Variants in DCC observed in about 807,000 individuals in gnomAD.
DCC encodes the protein DCC netrin 1 receptor, also known as netrin receptor DCC.
In DCC, 58 loss-of-function variants were observed where a neutral mutation model predicts 172.5. The ratio of observed to expected loss-of-function variants is 0.34; its 90% CI spans 0.27 to 0.42. The LOEUF (loss-of-function observed/expected upper bound fraction) is 0.42, where lower values mean the gene tolerates loss of function less well. DCC is among the 10% of genes least tolerant of loss of function. The pLI, the probability that DCC is intolerant of heterozygous loss-of-function variation, is 1.00. For synonymous variants in DCC, 709 were observed against 644.5 expected (o/e 1.10, Z -1.52); for missense variants, 1,740 against 1,791.0 (o/e 0.97, Z 0.51).
At chr18:53,011,439 A>G (rs1160579542) in intron 5 of DCC, among the ~76,000 whole-genome samples, 1 of 151,696 alleles carries the variant, frequency 6.6e-6, no homozygotes, top group East Asian at 1.9e-4. Flanking sequence ...TCAAAGGGAT[A>G]TTTTTACTGA....
Position 52,834,545 on chromosome 18 carries a change from C to T in DCC, c.413-71499C>T, listed in dbSNP as rs190363436. 1.8e-4 allele frequency among the ~76,000 whole-genome samples: 28 copies of T among 152,182 alleles called. 1 individual carries two copies. Among genetic ancestry groups the T allele is most frequent in the Middle Eastern group, 6.8e-3 (2 of 294 alleles). ...GTGCCTAAGGATTGCATGGTGAGCTCGTCTGGGGTGTTACTGAACATCTTA... is the reference window on the plus strand; with the variant it reads ...GTGCCTAAGGATTGCATGGTGAGCTTGTCTGGGGTGTTACTGAACATCTTA... On this transcript the variant is annotated intron_variant, in intron 2 of 28. Coordinates refer to ENST00000442544, the MANE Select transcript of DCC (RefSeq NM_005215.4).
chr18:53,284,428 T>C (rs112212655), intron 12 of DCC, among the ~76,000 whole-genome samples: 3,304 of 152,122 alleles, frequency 0.022, 52 homozygotes, highest in Non-Finnish European at 0.034. Flanking sequence ...TCTCATGAGA[T>C]CTTATGGTTT....
At chr18:53,475,439 G>A (rs149192273) in intron 25 of DCC, among the ~76,000 whole-genome samples, 196 of 152,286 alleles carry the variant, frequency 1.3e-3, no homozygotes, top group Admixed American at 4.9e-3. Flanking sequence ...TGTGAGCTGC[G>A]TGCAGCCTAT....
At chr18:52,406,825 G>A (rs1986670687) in intron 1 of DCC, among the ~76,000 whole-genome samples, 2 of 151,996 alleles carry the variant, frequency 1.3e-5, no homozygotes, top group South Asian at 4.2e-4. Context: ...ATCTATGTAG[G>A]TAGATTCAGT....
chr18:53,366,216 C>G (rs2058003219), intron 15 of DCC, among the ~76,000 whole-genome samples: 1 of 151,966 alleles, frequency 6.6e-6, no homozygotes, highest in Non-Finnish European at 1.5e-5. Flanking sequence ...GCCACCATGA[C>G]CAGCTAATTT....
At chr18:53,231,431 A>G (rs1196866391) in intron 12 of DCC, among the ~76,000 whole-genome samples, 2 of 152,134 alleles carry the variant, frequency 1.3e-5, no homozygotes. Context: ...CAACATCTGT[A>G]TGTGTAAAAT....
intron 5 of DCC, among the ~76,000 whole-genome samples, chr18:52,956,483 T>G (rs140357907): frequency 6.6e-6 from 1 of 152,232 alleles, no homozygotes; most frequent in East Asian, 1.9e-4. Flanking sequence ...ACTATAACCT[T>G]ATTTAGTTAT....
chr18:52,945,677 G>C (rs191583432), intron 5 of DCC, among the ~76,000 whole-genome samples: 1 of 152,268 alleles, frequency 6.6e-6, no homozygotes, highest in East Asian at 1.9e-4. Context: ...TGAGCTGAAG[G>C]CTGGATGTCA....
chr18:52,868,305 A>G (rs1720398427), intron 2 of DCC, among the ~76,000 whole-genome samples: 1 of 152,104 alleles, frequency 6.6e-6, no homozygotes, highest in Non-Finnish European at 1.5e-5. Context: ...GGTTTAATGG[A>G]GAGGGCATAG....
chr18:52,454,251 GT>G (rs1334515579), intron 1 of DCC, among the ~76,000 whole-genome samples: 1 of 152,082 alleles, frequency 6.6e-6, no homozygotes, highest in African/African-American at 2.4e-5. Flanking sequence ...AGATCATTAT[GT>G]TTCTGATTGC....
At chr18:52,776,382 T>A (rs1367815059) in intron 2 of DCC, among the ~76,000 whole-genome samples, 1 of 152,084 alleles carries the variant, frequency 6.6e-6, no homozygotes, top group South Asian at 2.1e-4. Context: ...TTAGATATTT[T>A]AGTAGAAATT....
intron 5 of DCC, among the ~76,000 whole-genome samples, chr18:52,963,012 G>A (rs1032664234): frequency 1.3e-5 from 2 of 150,650 alleles, no homozygotes; most frequent in Non-Finnish European, 3.0e-5. Context: ...GCTAAATGAC[G>A]AGTTGATGGG....
chr18:52,684,287 G>A (rs952662485), intron 1 of DCC, among the ~76,000 whole-genome samples: 2 of 152,022 alleles, frequency 1.3e-5, no homozygotes, highest in African/African-American at 4.8e-5. Flanking sequence ...TGGGGTTAGC[G>A]AGTTTGATGG....
chr18:52,992,082 G>A (rs887757518), intron 5 of DCC, among the ~76,000 whole-genome samples: 1 of 152,152 alleles, frequency 6.6e-6, no homozygotes, highest in Non-Finnish European at 1.5e-5. Flanking sequence ...TACAGGTTCT[G>A]GAAACCAACT....
intron 2 of DCC, among the ~76,000 whole-genome samples, chr18:52,810,301 C>T (rs2038170143): frequency 6.6e-6 from 1 of 152,088 alleles, no homozygotes; most frequent in Admixed American, 6.6e-5. Context: ...AAATTCTGCT[C>T]ATAAATGGGT....
In DCC at chr18:52,842,064, T is replaced by A. The variant is rs541360772; in HGVS notation, c.413-63980T>A. ...ACTATTTTAATGACCATAAAAAGTA[T>A]TGCATTGTAAAGAAAATTTAGTTTT... is the stretch of plus-strand genomic sequence containing the variant. On this transcript the variant is annotated intron_variant, in intron 2 of 28. Transcript: ENST00000442544. 2.0e-5 allele frequency among the ~76,000 whole-genome samples: 3 copies of A among 152,234 alleles called. No individual in the cohort carries two copies. In the South Asian group the frequency reaches 6.2e-4, roughly 32 times the overall value.
chr18:53,079,106 A>C (rs2042762937), intron 7 of DCC, among the ~76,000 whole-genome samples: 1 of 152,142 alleles, frequency 6.6e-6, no homozygotes, highest in Admixed American at 6.6e-5. Context: ...ACAGTATGGC[A>C]CTTAGTTGTA....
chr18:52,347,999 C>A (rs1983954228), intron 1 of DCC, among the ~76,000 whole-genome samples: 1 of 152,010 alleles, frequency 6.6e-6, no homozygotes, highest in African/African-American at 2.4e-5. Flanking sequence ...AACCCCTTGC[C>A]TTTTGTACAG....
At chr18:52,732,450 A>T (rs1212821068) in intron 1 of DCC, among the ~76,000 whole-genome samples, 1 of 152,106 alleles carries the variant, frequency 6.6e-6, no homozygotes, top group Non-Finnish European at 1.5e-5. Context: ...ACGTTATGTG[A>T]CTTCATTTAT....
Sources: gnomAD v4.1 joint callset for allele counts (sites outside exome capture counted in the v4.1 genomes callset) on GRCh38, gnomAD v4.1.1 for gene constraint, MANE v1.5 for transcripts, NCBI Gene and HGNC (gene_info 2026-07-23, HGNC 2026-07-21) for gene names.